The following SPIDR variants were observed in gnomAD, a reference collection of about 807,000 sequenced individuals.
The protein encoded by SPIDR is scaffold protein involved in DNA repair.
A neutral mutation model predicts 104.6 loss-of-function variants in SPIDR; 93 were observed. That is an observed-to-expected ratio of 0.89 (90% CI 0.75 to 1.06). The LOEUF (loss-of-function observed/expected upper bound fraction) is 1.06, where lower values mean the gene tolerates loss of function less well. SPIDR is among the 50% of genes least tolerant of loss of function. The probability of loss-of-function intolerance (pLI) is 0.00; values close to 1 mark genes in which losing one functional copy is unlikely to be tolerated. For missense variants in SPIDR, 1,154 were observed against 1,111.2 expected, an observed-to-expected ratio of 1.04 and a Z score of -0.55; for synonymous variants, 431 against 416.9, an observed-to-expected ratio of 1.03 and a Z score of -0.41.
intron 10 of SPIDR, among the ~76,000 whole-genome samples, chr8:47,628,527 A>C (rs575163335): frequency 1.3e-5 from 2 of 152,354 alleles, no homozygotes; most frequent in African/African-American, 4.8e-5. Context: ...CAGTGTACAC[A>C]ACTTTGTTTC....
intron 8 of SPIDR, among the ~76,000 whole-genome samples, chr8:47,573,732 A>C (rs2058774238): frequency 6.6e-6 from 1 of 152,180 alleles, no homozygotes; most frequent in South Asian, 2.1e-4. Flanking sequence ...ATAATTGTGC[A>C]TATGTTTCTG....
intron 7 of SPIDR, among the ~76,000 whole-genome samples, chr8:47,438,437 C>T (rs1184653882): frequency 1.3e-5 from 2 of 152,194 alleles, no homozygotes; most frequent in African/African-American, 4.8e-5. Flanking sequence ...TCTGGCTGCC[C>T]TGCTGAGGAA....
At chr8:47,647,665 A>G (rs1388775273) in intron 10 of SPIDR, among the ~76,000 whole-genome samples, 1 of 150,052 alleles carries the variant, frequency 6.7e-6, no homozygotes, top group Non-Finnish European at 1.5e-5. Context: ...GGAGAGAGAG[A>G]GAGGGAGAGA....
intron 5 of SPIDR, among the ~76,000 whole-genome samples, chr8:47,344,834 A>G (rs1399091385): frequency 6.6e-6 from 1 of 152,064 alleles, no homozygotes; most frequent in Non-Finnish European, 1.5e-5. Context: ...TTTCTTGTAA[A>G]TTTGTTTAAG....
At chr8:47,671,058 C>T (rs1345557071) in intron 10 of SPIDR, among the ~76,000 whole-genome samples, 3 of 152,004 alleles carry the variant, frequency 2.0e-5, no homozygotes, top group East Asian at 3.9e-4. Flanking sequence ...CACAACCGTG[C>T]ACCACCATAC....
At chr8:47,343,973 T>TTA (rs2051315580) in intron 5 of SPIDR, among the ~76,000 whole-genome samples, 4 of 151,822 alleles carry the variant, frequency 2.6e-5, no homozygotes, top group African/African-American at 9.7e-5. Flanking sequence ...TCTTTTTTTT[T>TTA]TTATTATTAT....
intron 11 of SPIDR, among the ~76,000 whole-genome samples, chr8:47,684,779 G>A (rs1417576509): frequency 6.6e-6 from 1 of 152,228 alleles, no homozygotes; most frequent in Non-Finnish European, 1.5e-5. Flanking sequence ...AAATGATACA[G>A]TTTGAAAGTG....
At chr8:47,444,576 T>A (rs1554700015) in intron 8 of SPIDR, among the ~76,000 whole-genome samples, 1 of 152,254 alleles carries the variant, frequency 6.6e-6, no homozygotes, top group Non-Finnish European at 1.5e-5. Flanking sequence ...AAACATCCTC[T>A]TATTTAGAAT....
intron 8 of SPIDR, among the ~76,000 whole-genome samples, chr8:47,525,505 T>C (rs1587151841): frequency 1.8e-5 from 2 of 113,846 alleles, no homozygotes; most frequent in African/African-American, 4.9e-5. Context: ...AAAGAACTTA[T>C]AAAAAGAGGT....
chr8:47,423,071 C>G (rs146979643), intron 7 of SPIDR, among the ~76,000 whole-genome samples: 1 of 151,870 alleles, frequency 6.6e-6, no homozygotes, highest in African/African-American at 2.4e-5. Flanking sequence ...TTTGGGAAGC[C>G]GAAGTGGGTG....
chr8:47,455,013 T>C (rs2072675029), intron 8 of SPIDR, among the ~76,000 whole-genome samples: 1 of 151,320 alleles, frequency 6.6e-6, no homozygotes, highest in African/African-American at 2.5e-5. Context: ...AAGGAAGAAA[T>C]ACTAAACAGC....
intron 8 of SPIDR, among the ~76,000 whole-genome samples, chr8:47,496,287 G>C (rs1014715145): frequency 2.6e-5 from 4 of 152,104 alleles, no homozygotes; most frequent in South Asian, 2.1e-4. Flanking sequence ...GGGGGAAAGT[G>C]TTCAGGGAAA....
intron 5 of SPIDR, among the ~76,000 whole-genome samples, chr8:47,321,821 C>A (rs1378697732): frequency 6.6e-6 from 1 of 152,184 alleles, no homozygotes; most frequent in Middle Eastern, 3.4e-3. Context: ...CTTTGACAAA[C>A]CTGACAAAAA....
At chr8:47,298,466 C>T (rs989717734) in intron 5 of SPIDR, among the ~76,000 whole-genome samples, 4 of 152,102 alleles carry the variant, frequency 2.6e-5, no homozygotes, top group Non-Finnish European at 4.4e-5. Context: ...AATTAGATGG[C>T]GTTTGTCAAT....
At chr8:47,667,386 C>T (rs1348623066) in intron 10 of SPIDR, among the ~76,000 whole-genome samples, 2 of 147,358 alleles carry the variant, frequency 1.4e-5, no homozygotes, top group Non-Finnish European at 3.0e-5. Context: ...TCGCAAGAGG[C>T]CAAAGTTTGA....
chr8:47,594,909 T>C (rs894566534), intron 8 of SPIDR, among the ~76,000 whole-genome samples: 1 of 152,102 alleles, frequency 6.6e-6, no homozygotes, highest in Non-Finnish European at 1.5e-5. Context: ...GGCACGAGAA[T>C]TATTTGAATC....
At chr8:47,445,462 C>A (rs77615894) in intron 8 of SPIDR, among the ~76,000 whole-genome samples, 141 of 152,300 alleles carry the variant, frequency 9.3e-4, no homozygotes, top group African/African-American at 3.3e-3. Context: ...TCTCCTCAGA[C>A]CTCCCTATTC....
At chr8:47,616,265 A>AT (rs2064298219) in intron 10 of SPIDR, among the ~76,000 whole-genome samples, 1 of 152,324 alleles carries the variant, frequency 6.6e-6, no homozygotes, top group Admixed American at 6.5e-5. Context: ...GAGAGCTCTC[A>AT]TTCTTTCACC....
intron 8 of SPIDR, among the ~76,000 whole-genome samples, chr8:47,449,124 A>G (rs1415491890): frequency 6.6e-6 from 1 of 152,158 alleles, no homozygotes; most frequent in African/African-American, 2.4e-5. Context: ...ATGATGGTGA[A>G]TAGTGGATTT....
Sources: allele counts gnomAD v4.1 joint callset (sites outside exome capture counted in the v4.1 genomes callset), GRCh38; gene constraint gnomAD v4.1.1; transcripts MANE v1.5; gene names NCBI Gene and HGNC (gene_info 2026-07-23, HGNC 2026-07-21).